CTXND1: variants seen among roughly 807,000 people sequenced by gnomAD.
CTXND1 encodes the protein cortexin domain containing 1.
chr15:80,251,591 A>G (rs1470318986), intron 1 of CTXND1, among the ~76,000 whole-genome samples: 1 of 152,310 alleles, frequency 6.6e-6, no homozygotes, highest in East Asian at 1.9e-4. Context: ...AAACCCCTCA[A>G]TGGCAGAGAG....
At chr15:80,218,027 A>C (rs1354831519) in intron 1 of CTXND1, among the ~76,000 whole-genome samples, 1 of 152,236 alleles carries the variant, frequency 6.6e-6, no homozygotes, top group Non-Finnish European at 1.5e-5. Context: ...GGAAATGTAT[A>C]ACTTCTTGGG....
chr15:80,233,560 G>C (rs1042491056), intron 1 of CTXND1, among the ~76,000 whole-genome samples: 1 of 152,064 alleles, frequency 6.6e-6, no homozygotes, highest in Non-Finnish European at 1.5e-5. Flanking sequence ...CTAATGAGGA[G>C]ACATCACAGA....
At chr15:80,236,454 G>A (rs1462994758) in intron 1 of CTXND1, among the ~76,000 whole-genome samples, 1 of 152,186 alleles carries the variant, frequency 6.6e-6, no homozygotes, top group African/African-American at 2.4e-5. Flanking sequence ...AATGCATAAT[G>A]ATGTTTCCAT....
At chr15:80,236,649 G>T (rs773018833) in intron 1 of CTXND1, among the ~76,000 whole-genome samples, 2 of 152,092 alleles carry the variant, frequency 1.3e-5, no homozygotes, top group Non-Finnish European at 2.9e-5. Flanking sequence ...CAGGTGTGGT[G>T]GTGTGCACCT....
At chr15:80,236,008 G>A (rs973624819) in intron 1 of CTXND1, among the ~76,000 whole-genome samples, 4 of 145,832 alleles carry the variant, frequency 2.7e-5, no homozygotes, top group African/African-American at 1.0e-4. Context: ...CCTTGTGCTG[G>A]GAACCATACT....
chr15:80,226,390 T>G (rs1198704950), intron 1 of CTXND1, among the ~76,000 whole-genome samples: 1 of 152,046 alleles, frequency 6.6e-6, no homozygotes, highest in African/African-American at 2.4e-5. Context: ...AAAAAAAAAT[T>G]AGGACATGTT....
At chr15:80,216,181 T>C (rs1029647070) in intron 1 of CTXND1, among the ~76,000 whole-genome samples, 1 of 152,212 alleles carries the variant, frequency 6.6e-6, no homozygotes, top group African/African-American at 2.4e-5. Flanking sequence ...TCTCCAGGGC[T>C]GGGGCGGCAC....
At chr15:80,224,514 G>A (rs1893352470) in intron 1 of CTXND1, among the ~76,000 whole-genome samples, 1 of 152,038 alleles carries the variant, frequency 6.6e-6, no homozygotes, top group African/African-American at 2.4e-5. Context: ...CTTCAGATTT[G>A]TTTTCAAGAT....
At chr15:80,225,211 A>T (rs1010246882) in intron 1 of CTXND1, among the ~76,000 whole-genome samples, 11 of 152,324 alleles carry the variant, frequency 7.2e-5, no homozygotes, top group African/African-American at 1.9e-4. Flanking sequence ...GATGAAAAAA[A>T]TTTTATTTTT....
chr15:80,231,538 T>C (rs1382270932), intron 1 of CTXND1, among the ~76,000 whole-genome samples: 3 of 152,218 alleles, frequency 2.0e-5, no homozygotes, highest in Admixed American at 6.5e-5. Flanking sequence ...GTCTTTGATA[T>C]GCTAAATAAA....
At chr15:80,240,827 C>T (rs926383319) in intron 1 of CTXND1, among the ~76,000 whole-genome samples, 1 of 152,120 alleles carries the variant, frequency 6.6e-6, no homozygotes, top group Non-Finnish European at 1.5e-5. Flanking sequence ...TTCCTTATAA[C>T]CAGGCAGCCA....
At chr15:80,242,374 T>A (rs1295791419) in intron 1 of CTXND1, among the ~76,000 whole-genome samples, 1 of 152,224 alleles carries the variant, frequency 6.6e-6, no homozygotes, top group Admixed American at 6.5e-5. Context: ...CGTGGAAGCC[T>A]TTCAGGCATG....
intron 1 of CTXND1, among the ~76,000 whole-genome samples, chr15:80,205,434 C>T (rs1193148993): frequency 1.3e-5 from 2 of 152,086 alleles, no homozygotes; most frequent in Non-Finnish European, 2.9e-5. Context: ...GGAGGTTGTA[C>T]CTATGTAAGC....
intron 1 of CTXND1, among the ~76,000 whole-genome samples, chr15:80,231,106 T>TG (rs1323557015): frequency 2.2e-5 from 3 of 138,014 alleles, no homozygotes; most frequent in Non-Finnish European, 3.0e-5. Context: ...CATTTAGAGA[T>TG]TTTTTTTTTT....
intron 1 of CTXND1, among the ~76,000 whole-genome samples, chr15:80,248,035 T>C (rs1595911829): frequency 6.6e-6 from 1 of 152,216 alleles, no homozygotes; most frequent in East Asian, 1.9e-4. Context: ...AGGAGGGTCA[T>C]CTTGGGAGCT....
chr15:80,232,944 T>TTG (rs1282962852), intron 1 of CTXND1, among the ~76,000 whole-genome samples: 1 of 148,030 alleles, frequency 6.8e-6, no homozygotes, highest in Non-Finnish European at 1.5e-5. Flanking sequence ...CAACTTCCTT[T>TTG]TTTTTTTTTT....
At chr15:80,228,797 T>G (rs1893399008) in intron 1 of CTXND1, among the ~76,000 whole-genome samples, 1 of 151,756 alleles carries the variant, frequency 6.6e-6, no homozygotes, top group South Asian at 2.1e-4. Context: ...CCCAGCTAAT[T>G]TTTGTATTTT....
At chr15:80,248,041 G>A (rs1015079736) in intron 1 of CTXND1, among the ~76,000 whole-genome samples, 3 of 152,158 alleles carry the variant, frequency 2.0e-5, no homozygotes, top group South Asian at 2.1e-4. Flanking sequence ...GTCATCTTGG[G>A]AGCTGAACAG....
At chr15:80,207,713 A>G (rs1893164922) in intron 1 of CTXND1, among the ~76,000 whole-genome samples, 1 of 152,228 alleles carries the variant, frequency 6.6e-6, no homozygotes, top group Non-Finnish European at 1.5e-5. Flanking sequence ...GTAAGCAACT[A>G]TTGTGAAGCA....
Sources: gnomAD v4.1 joint callset for allele counts (sites outside exome capture counted in the v4.1 genomes callset) on GRCh38, gnomAD v4.1.1 for gene constraint, MANE v1.5 for transcripts, NCBI Gene and HGNC (gene_info 2026-07-23, HGNC 2026-07-21) for gene names.